Variants in WDR72 observed in about 807,000 individuals in gnomAD.
WDR72 encodes WD repeat domain 72, also known as WD repeat-containing protein 72.
A neutral mutation model predicts 124.2 loss-of-function variants in WDR72; 120 were observed. The ratio of observed to expected loss-of-function variants is 0.97; its 90% CI spans 0.83 to 1.12. WDR72 has a LOEUF of 1.12. Ranked by LOEUF, WDR72 falls within the 50% of genes most tolerant of loss-of-function variation. The probability of loss-of-function intolerance (pLI) is 0.00; values close to 1 mark genes in which losing one functional copy is unlikely to be tolerated. For synonymous variants in WDR72, 452 were observed against 441.7 expected, an observed-to-expected ratio of 1.02 and a Z score of -0.29; for missense variants, 1,387 against 1,278.8, an observed-to-expected ratio of 1.08 and a Z score of -1.29.
chr15:53,707,314 T>C (rs985995996), intron 9 of WDR72, among the ~76,000 whole-genome samples: 1 of 152,176 alleles, frequency 6.6e-6, no homozygotes, highest in African/African-American at 2.4e-5. Context: ...ATTATCCTGA[T>C]ATGAAAATAG....
intron 1 of WDR72, among the ~76,000 whole-genome samples, chr15:53,742,169 C>A (rs1332328820): frequency 1.3e-5 from 2 of 152,172 alleles, no homozygotes; most frequent in Non-Finnish European, 2.9e-5. Context: ...CTTTCCCCAG[C>A]AAAATTTAAA....
At chr15:53,740,711 T>C (rs1260796276) in intron 1 of WDR72, among the ~76,000 whole-genome samples, 1 of 152,216 alleles carries the variant, frequency 6.6e-6, no homozygotes, top group Non-Finnish European at 1.5e-5. Flanking sequence ...ACAAAATAAA[T>C]ATTGGTTGAA....
At chr15:53,682,257 A>C (rs1041567758) in intron 13 of WDR72, among the ~76,000 whole-genome samples, 1 of 152,216 alleles carries the variant, frequency 6.6e-6, no homozygotes, top group African/African-American at 2.4e-5. Flanking sequence ...ATTTCACCAA[A>C]GTGGAGATCC....
chr15:53,572,902 A>C (rs1353208544), intron 18 of WDR72, among the ~76,000 whole-genome samples: 2 of 152,190 alleles, frequency 1.3e-5, no homozygotes, highest in Non-Finnish European at 2.9e-5. Flanking sequence ...TTTCATCACA[A>C]ATATAAGTTT....
intron 14 of WDR72, among the ~76,000 whole-genome samples, chr15:53,654,513 G>A (rs904762133): frequency 6.6e-6 from 1 of 152,196 alleles, no homozygotes; most frequent in Non-Finnish European, 1.5e-5. Context: ...ATTAATGGAC[G>A]TAGAACATTA....
intron 11 of WDR72, among the ~76,000 whole-genome samples, 165 bp from the exon 12 acceptor site, chr15:53,702,519 G>C (rs1403151168): frequency 2.6e-5 from 4 of 152,148 alleles, no homozygotes; most frequent in Non-Finnish European, 5.9e-5. Flanking sequence ...TGAAAAACAA[G>C]TGCCTCACCA....
chr15:53,684,935 C>T (rs896984695), intron 13 of WDR72, among the ~76,000 whole-genome samples: 2 of 152,104 alleles, frequency 1.3e-5, no homozygotes, highest in African/African-American at 2.4e-5. Flanking sequence ...GGGAGGCACC[C>T]CCCTAGCAGG....
intron 3 of WDR72, among the ~76,000 whole-genome samples, chr15:53,716,968 C>T (rs2017730611): frequency 6.6e-6 from 1 of 152,170 alleles, no homozygotes; most frequent in Admixed American, 6.5e-5. Context: ...CTGTTAGTGA[C>T]AGTACAACAA....
At chr15:53,639,988 A>G (rs1286466368) in intron 14 of WDR72, among the ~76,000 whole-genome samples, 1 of 152,224 alleles carries the variant, frequency 6.6e-6, no homozygotes, top group Admixed American at 6.5e-5. Context: ...TAAATTTCAT[A>G]ACATTCTCCT....
chr15:53,666,668 C>T (rs2015790248), intron 13 of WDR72, among the ~76,000 whole-genome samples: 1 of 152,084 alleles, frequency 6.6e-6, no homozygotes, highest in Non-Finnish European at 1.5e-5. Flanking sequence ...ATATTCTTTT[C>T]CACCAATGAG....
chr15:53,525,143 T>G (rs919823131), intron 18 of WDR72, among the ~76,000 whole-genome samples: 1 of 152,086 alleles, frequency 6.6e-6, no homozygotes, highest in African/African-American at 2.4e-5. Flanking sequence ...GTTTAGGTCA[T>G]ACTTACAGAT....
intron 18 of WDR72, among the ~76,000 whole-genome samples, chr15:53,530,311 A>C (rs771539615): frequency 1.3e-5 from 2 of 151,840 alleles, no homozygotes; most frequent in African/African-American, 2.4e-5. Flanking sequence ...TACCATACAG[A>C]TAATGAAGAA....
chr15:53,704,338 T>C (rs1038007969), intron 11 of WDR72, among the ~76,000 whole-genome samples: 6 of 152,174 alleles, frequency 3.9e-5, no homozygotes, highest in African/African-American at 1.4e-4. Flanking sequence ...TTTTTATTTG[T>C]GCAATATAAT....
chr15:53,541,639 T>C (rs372008478), intron 18 of WDR72, among the ~76,000 whole-genome samples: 6 of 151,688 alleles, frequency 4.0e-5, no homozygotes, highest in African/African-American at 1.5e-4. Flanking sequence ...CAAAGCTGGA[T>C]GGAGAATGAC....
intron 1 of WDR72, among the ~76,000 whole-genome samples, chr15:53,754,931 G>A (rs749782439): frequency 6.6e-6 from 1 of 152,134 alleles, no homozygotes; most frequent in Non-Finnish European, 1.5e-5. Flanking sequence ...ATAAAGATAT[G>A]TTTTCATCAA....
chr15:53,757,977 TTCTCTCTCTC>T lies in WDR72; in HGVS notation c.-13+1646_-13+1655del, dbSNP rs5812712. 7.0e-4 allele frequency among the ~76,000 whole-genome samples: 104 copies of T among 148,690 alleles called. 2 individuals are homozygous for T. Among genetic ancestry groups the T allele is most frequent in the South Asian group, 6.9e-3 (32 of 4,644 alleles). ...ACAGGGAGAAACTTAAGAGTTTATT[TTCTCTCTCTC>T]TCTCTCTCTCTCTCTCTCTCTTTTT... On this transcript the variant is annotated intron_variant, in intron 1 of 19. Coordinates refer to ENST00000360509, the MANE Select transcript of WDR72 (RefSeq NM_182758.4).
chr15:53,720,667 T>C lies in WDR72; in HGVS notation c.260+2135A>G, dbSNP rs148933312. ...AGGGATTTCACTGCTGTCATTACAGTTGGGAAGTCAGCTCTCTGCTTAATT... is the reference window on the plus strand; with the variant it reads ...AGGGATTTCACTGCTGTCATTACAGCTGGGAAGTCAGCTCTCTGCTTAATT... On this transcript the variant is annotated intron_variant, in intron 3 of 19. Transcript: ENST00000360509. Among the ~76,000 whole-genome samples, 698 of 152,264 alleles carry C rather than the reference T, an allele frequency of 4.6e-3. 3 individuals carry two copies. Among genetic ancestry groups the C allele is most frequent in the Non-Finnish European group, 6.9e-3 (467 of 68,018 alleles).
At chr15:53,551,855 GACACACACACACACACACACAA>G (rs1445052309) in intron 18 of WDR72, among the ~76,000 whole-genome samples, 1 of 149,568 alleles carries the variant, frequency 6.7e-6, no homozygotes, top group Non-Finnish European at 1.5e-5. Context: ...AGAATACACA[GACACACACACACACACACACAA>G]ACACACGCAC....
At chr15:53,701,586 C>A (rs1489157920) in intron 12 of WDR72, among the ~76,000 whole-genome samples, 1 of 151,586 alleles carries the variant, frequency 6.6e-6, no homozygotes, top group African/African-American at 2.4e-5. Context: ...CACACACACA[C>A]ACACACACAG....
Sources: allele counts gnomAD v4.1 joint callset (sites outside exome capture counted in the v4.1 genomes callset), GRCh38; gene constraint gnomAD v4.1.1; transcripts MANE v1.5; gene names NCBI Gene and HGNC (gene_info 2026-07-23, HGNC 2026-07-21).